RALGAPA1: variants seen among roughly 807,000 people sequenced by gnomAD.
RALGAPA1 encodes ral GTPase-activating protein subunit alpha-1.
In RALGAPA1, 52 loss-of-function variants were observed where a neutral mutation model predicts 269.6. That is an observed-to-expected ratio of 0.19 (90% CI 0.15 to 0.24). The LOEUF (loss-of-function observed/expected upper bound fraction) is 0.24. Among genes scored for constraint, RALGAPA1 ranks in the 10% least tolerant of loss-of-function variants. The probability of loss-of-function intolerance (pLI) is 1.00; values close to 1 mark genes in which losing one functional copy is unlikely to be tolerated. For missense variants in RALGAPA1, 1,917 were observed against 3,013.9 expected, an observed-to-expected ratio of 0.64 and a Z score of 8.52; for synonymous variants, 817 against 1,008.3, an observed-to-expected ratio of 0.81 and a Z score of 3.60.
chr14:35,765,936 G>GT, intron 4 of RALGAPA1: 2 of 1,321,880 alleles, frequency 1.5e-6, no homozygotes, highest in Non-Finnish European at 2.2e-6. Context: ...TGCAGAAGGC[G>GT]TATTTGGACC....
chr14:35,594,655 T>C (rs2058824102), intron 37 of RALGAPA1, among the ~76,000 whole-genome samples: 1 of 149,334 alleles, frequency 6.7e-6, no homozygotes. Context: ...CAAACATCGG[T>C]AAGGATGTGG....
intron 16 of RALGAPA1, among the ~76,000 whole-genome samples, chr14:35,716,758 G>A (rs1199664535): frequency 6.6e-6 from 1 of 152,016 alleles, no homozygotes; most frequent in Non-Finnish European, 1.5e-5. Context: ...TTTTGAAGAG[G>A]CTAGACCAGT....
At chr14:35,781,836 A>G (rs574152265) in intron 1 of RALGAPA1, among the ~76,000 whole-genome samples, 1 of 152,342 alleles carries the variant, frequency 6.6e-6, no homozygotes, top group East Asian at 1.9e-4. Context: ...TCTTAACCTG[A>G]TAACAGGTAT....
intron 14 of RALGAPA1, 116 bp from the exon 15 acceptor site, chr14:35,723,380 C>A: frequency 1.7e-6 from 1 of 594,772 alleles, no homozygotes; most frequent in Non-Finnish European, 3.0e-6. Context: ...AAATCGCATG[C>A]TTTTTTTAAT....
intron 31 of RALGAPA1, among the ~76,000 whole-genome samples, chr14:35,647,296 A>G (rs2062498598): frequency 6.6e-6 from 1 of 152,162 alleles, no homozygotes; most frequent in African/African-American, 2.4e-5. Flanking sequence ...TGTTAGCCCA[A>G]GCCCATATTC....
At chr14:35,586,374 A>G (rs1386184029) in intron 37 of RALGAPA1, among the ~76,000 whole-genome samples, 1 of 152,220 alleles carries the variant, frequency 6.6e-6, no homozygotes, top group East Asian at 1.9e-4. Context: ...TTTTCTAAAT[A>G]TACAATCATG....
At chr14:35,552,467 C>G (rs2055116263) in intron 39 of RALGAPA1, among the ~76,000 whole-genome samples, 1 of 152,120 alleles carries the variant, frequency 6.6e-6, no homozygotes, top group South Asian at 2.1e-4. Flanking sequence ...CAGGACAACT[C>G]AAGCTATCGT....
intron 14 of RALGAPA1, among the ~76,000 whole-genome samples, chr14:35,724,240 C>T (rs1381250976): frequency 6.6e-6 from 1 of 151,932 alleles, no homozygotes; most frequent in African/African-American, 2.4e-5. Flanking sequence ...TTAGATGATA[C>T]ATGTAGCTGG....
intron 1 of RALGAPA1, among the ~76,000 whole-genome samples, chr14:35,805,940 G>A (rs1394757423): frequency 2.0e-5 from 3 of 151,790 alleles, no homozygotes; most frequent in Non-Finnish European, 4.4e-5. Flanking sequence ...CGCCCACCTC[G>A]GCCTCCCCAA....
In RALGAPA1 at chr14:35,808,848, A is replaced by G. The variant is rs541262090; in HGVS notation, c.-13T>C. 19 of 1,595,582 alleles carry G rather than the reference A, an allele frequency of 1.2e-5. No homozygotes were observed. The highest frequency in any genetic ancestry group is 1.7e-5 in the Admixed American group (1 of 57,966). ...TCTTGGAGAACATCCTGTCGCTGCCACTGCCACTGCCACTGCCACAGCCGG... is the reference window on the plus strand; with the variant it reads ...TCTTGGAGAACATCCTGTCGCTGCCGCTGCCACTGCCACTGCCACAGCCGG... On this transcript the variant is annotated 5_prime_UTR_variant, in exon 1 of 42. Coordinates refer to ENST00000680220, the MANE Select transcript of RALGAPA1 (RefSeq NM_001346249.2).
chr14:35,758,552 T>A (rs2073401231), intron 6 of RALGAPA1, among the ~76,000 whole-genome samples: 1 of 152,004 alleles, frequency 6.6e-6, no homozygotes, highest in Non-Finnish European at 1.5e-5. Context: ...AAATAAATAA[T>A]AATTATTTTT....
At chr14:35,761,908 C>T (rs2141372386) in intron 5 of RALGAPA1, among the ~76,000 whole-genome samples, 1 of 152,280 alleles carries the variant, frequency 6.6e-6, no homozygotes, top group African/African-American at 2.4e-5. Context: ...ATACCCAAGC[C>T]ATGATGCCAA....
In RALGAPA1 at chr14:35,627,847, T is replaced by A; in HGVS notation, c.6100A>T (p.Met2034Leu). ...TTTTCACACACCTGACTTGTTAGCA[T>A]AGCAGGACCACCGCTCATTGGATAA... ...GHYPMSGGPA[M>L]LTSQVCENHD... is the part of the protein sequence containing the mutation. The change falls in exon 34 of 42, where the codon ATG becomes TTG. Residue 2034 changes from methionine (M) to leucine (L), a missense_variant. Physicochemically the swap from Met to Leu is conservative, Grantham distance 15. Transcript: ENST00000680220. 1 of 1,591,764 alleles carries A rather than the reference T, an allele frequency of 6.3e-7. No homozygotes were observed. Among genetic ancestry groups the A allele is most frequent in the South Asian group, 1.1e-5 (1 of 89,084 alleles).
intron 37 of RALGAPA1, among the ~76,000 whole-genome samples, chr14:35,592,051 C>T (rs2058672582): frequency 6.6e-6 from 1 of 152,182 alleles, no homozygotes; most frequent in South Asian, 2.1e-4. Context: ...TCAATTACAC[C>T]TCTTTTGTTT....
At chr14:35,780,868 T>G (rs1043351451) in intron 1 of RALGAPA1, among the ~76,000 whole-genome samples, 1 of 151,704 alleles carries the variant, frequency 6.6e-6, no homozygotes, top group Non-Finnish European at 1.5e-5. Context: ...GAGGCAGGAG[T>G]CTCAATTGAG....
At position 35,684,189 on chromosome 14, in the gene RALGAPA1, CAT is replaced by C. The variant is rs1411622911; in HGVS notation, c.4295-206_4295-205del. On this transcript the variant is annotated intron_variant, in intron 20 of 41. Transcript: ENST00000680220. ...GTGTACAAGCCATGAAGGGAGGAAA[CAT>C]GTAATTCTCCAATGCATATCCCAGC... 3.3e-5 allele frequency among the ~76,000 whole-genome samples: 5 copies of C among 152,276 alleles called. No homozygotes were observed. In the East Asian group the frequency reaches 9.6e-4, roughly 29 times the overall value.
At position 35,685,144 on chromosome 14, in the gene RALGAPA1, G is replaced by A. The variant is rs2065806961; in HGVS notation, c.4079C>T (p.Thr1360Ile). 2 of 1,557,566 alleles carry A rather than the reference G, an allele frequency of 1.3e-6. No individual in the cohort carries two copies. The highest frequency in any genetic ancestry group is 1.7e-6 in the Non-Finnish European group (2 of 1,150,582). ...AERLRSGNASTMTRRGSSPGS... is the reference protein window; with the variant it reads ...AERLRSGNASIMTRRGSSPGS... The stretch of plus-strand genomic sequence containing the variant: ...TGGACTACTTCCTCTTCTTGTCATA[G>A]TCTAAACGTTCAAGAAATATTTTAC... Residue 1360 changes from threonine to isoleucine, a missense_variant and splice_region_variant, in exon 20 of 42, where the codon ACT becomes ATT. By Grantham distance (89) the Thr-to-Ile change is moderately conservative (BLOSUM62 -1). This residue lies in a region of RALGAPA1 where 615 missense variants were observed against 790.0 expected (regional missense o/e 0.78). Coordinates refer to ENST00000680220, the MANE Select transcript of RALGAPA1 (RefSeq NM_001346249.2).
chr14:35,718,848 T>G (rs2069101885), intron 16 of RALGAPA1, among the ~76,000 whole-genome samples: 1 of 151,198 alleles, frequency 6.6e-6, no homozygotes, highest in Admixed American at 6.6e-5. Flanking sequence ...GGATTTTTTT[T>G]TTTTTTTTGG....
intron 35 of RALGAPA1, among the ~76,000 whole-genome samples, chr14:35,608,534 T>C (rs112371634): frequency 6.6e-6 from 1 of 152,098 alleles, no homozygotes; most frequent in Non-Finnish European, 1.5e-5. Context: ...TACCATAAAA[T>C]AGAAACCAAC....
Sources: allele counts gnomAD v4.1 joint callset (sites outside exome capture counted in the v4.1 genomes callset), GRCh38; gene constraint gnomAD v4.1.1; regional missense constraint gnomAD v4.1.1; transcripts MANE v1.5; gene names NCBI Gene and HGNC (gene_info 2026-07-23, HGNC 2026-07-21).